The following RUBCNL variants were observed in gnomAD, a reference collection of about 807,000 sequenced individuals.
The protein encoded by RUBCNL is protein associated with UVRAG as autophagy enhancer.
A neutral mutation model predicts 69.5 loss-of-function variants in RUBCNL; 62 were observed. The ratio of observed to expected loss-of-function variants is 0.89; its 90% CI spans 0.73 to 1.10. The LOEUF (loss-of-function observed/expected upper bound fraction) is 1.10, where lower values mean the gene tolerates loss of function less well. RUBCNL is among the 50% of genes least tolerant of loss of function. The pLI, the probability that RUBCNL is intolerant of heterozygous loss-of-function variation, is 0.00. For synonymous variants in RUBCNL, 291 were observed against 303.6 expected (o/e 0.96, Z 0.43); for missense variants, 768 against 798.1 (o/e 0.96, Z 0.45).
At chr13:46,345,745 G>A (rs1342881550) in intron 12 of RUBCNL, 145 bp from the exon 13 acceptor site, 8 of 805,146 alleles carry the variant, frequency 9.9e-6, no homozygotes, top group Admixed American at 3.0e-5. Flanking sequence ...GAACAACAGT[G>A]AACCATGCTC....
chr13:46,334,888 G>T lies in RUBCNL; in HGVS notation c.*8497C>A, dbSNP rs1310766551. 1.3e-5 allele frequency among the ~76,000 whole-genome samples: 2 copies of T among 152,110 alleles called. No individual in the cohort carries two copies. The highest frequency in any genetic ancestry group is 4.8e-5 in the African/African-American group (2 of 41,398). ...GAAGTGAAAGGATCCAAGTGCTTCT[G>T]GCTCTAAATTCTGGATCACTTAGAC... On this transcript the variant is annotated 3_prime_UTR_variant, in exon 15 of 15. Transcript: ENST00000429979.
At chr13:46,355,255 A>G (rs1040743398) in intron 10 of RUBCNL, among the ~76,000 whole-genome samples, 3 of 151,906 alleles carry the variant, frequency 2.0e-5, no homozygotes, top group African/African-American at 4.8e-5. Flanking sequence ...TCCCAGTCTC[A>G]AGGGGGAAAC....
chr13:46,345,161 T>A (rs984433240), intron 13 of RUBCNL, among the ~76,000 whole-genome samples: 1 of 152,154 alleles, frequency 6.6e-6, no homozygotes, highest in Non-Finnish European at 1.5e-5. Context: ...TTCCATTGAA[T>A]CCTGGTTCCA....
rs1028886300 is a variant in RUBCNL at position 46,338,373 on chromosome 13, C to T, written c.*5012G>A. ...CTGCCCCTCTCTCTTCCCACTTTGG[C>T]TCCATCCTACAAGCAGCTGCCCCTT... On this transcript the variant is annotated 3_prime_UTR_variant, in exon 15 of 15. Transcript: ENST00000429979. 2.0e-5 allele frequency among the ~76,000 whole-genome samples: 3 copies of T among 152,144 alleles called. No individual in the cohort carries two copies. Among genetic ancestry groups the T allele is most frequent in the African/African-American group, 7.2e-5 (3 of 41,430 alleles).
rs1277362296 is a variant in RUBCNL, at chr13:46,335,257, GTTGTTTTT to G, written c.*8120_*8127del. Among the ~76,000 whole-genome samples, 19 of 98,606 alleles carry G rather than the reference GTTGTTTTT, an allele frequency of 1.9e-4. No individual in the cohort carries two copies. In the East Asian group the frequency reaches 7.4e-3, roughly 39 times the overall value. The allele number at this position is 98,606 out of a possible 152,430, so 64.7% of individuals were successfully genotyped here. A position where few individuals can be genotyped will look rare whatever the true frequency, so the allele number is the denominator to read the frequency against. ...TTTGTGTCTTTTTGTTGTTGTTGTT[GTTGTTTTT>G]TTTTTTTTTTTTTTTTTTTTAAGAG... On this transcript the variant is annotated 3_prime_UTR_variant, in exon 15 of 15. Coordinates refer to ENST00000429979, the MANE Select transcript of RUBCNL (RefSeq NM_025113.5).
Position 46,343,267 on chromosome 13 carries a change from A to G in RUBCNL, c.*118T>C. ...AGTATATGCAATAAAGAGAATATAGACCATCTTTTTCCTTAATATACAATA... is the reference window on the plus strand; with the variant it reads ...AGTATATGCAATAAAGAGAATATAGGCCATCTTTTTCCTTAATATACAATA... On this transcript the variant is annotated 3_prime_UTR_variant, in exon 15 of 15. Transcript: ENST00000429979. The G allele has an allele frequency of 6.8e-7, 1 of 1,466,090 alleles. No individual in the cohort carries two copies. The highest frequency in any genetic ancestry group is 1.4e-5 in the African/African-American group (1 of 71,422). 90.8% of individuals were successfully genotyped at this position (1,466,090 alleles called of 1,614,324 possible). A position where few individuals can be genotyped will look rare whatever the true frequency, so the allele number is the denominator to read the frequency against.
rs771223351 is a variant in RUBCNL, at chr13:46,368,819, C to A, written c.536-4G>T. 12 of 1,604,110 alleles carry A rather than the reference C, an allele frequency of 7.5e-6. No homozygotes were observed. Among genetic ancestry groups the A allele is most frequent in the South Asian group, 2.2e-5 (2 of 88,966 alleles). Reference sequence around the variant, plus strand: ...CTTCTACTGACTTGAACAGCACCTGCCAATATAGCAAATTGTTAAAAATGG... The same window carrying A: ...CTTCTACTGACTTGAACAGCACCTGACAATATAGCAAATTGTTAAAAATGG... On this transcript the variant is annotated splice_region_variant and splice_polypyrimidine_tract_variant and intron_variant, in intron 3 of 14. Coordinates refer to ENST00000429979, the MANE Select transcript of RUBCNL (RefSeq NM_025113.5).
At chr13:46,381,693 C>T (rs1379802030) in intron 1 of RUBCNL, among the ~76,000 whole-genome samples, 2 of 152,186 alleles carry the variant, frequency 1.3e-5, no homozygotes, top group Non-Finnish European at 2.9e-5. Context: ...AGTGATTCTT[C>T]TGCCTCAGCC....
rs550031141 is a variant in RUBCNL, at chr13:46,354,824, T to C, written c.1330+1608A>G. 2.2e-5 allele frequency: 10 copies of C among 456,764 alleles called. No individual in the cohort carries two copies. The East Asian group carries it at 4.9e-4, about 22-fold the overall frequency. 28.3% of individuals were successfully genotyped at this position (456,764 alleles called of 1,614,324 possible). ...GCAAGCTCCCTGAGGGCAAGGCCAC[T>C]GTACAAAAGTGCAGACACACATCTC... On this transcript the variant is annotated intron_variant, in intron 10 of 14. Coordinates refer to ENST00000429979, the MANE Select transcript of RUBCNL (RefSeq NM_025113.5).
chr13:46,388,515 AAAGG>A (rs371200082), upstream of RUBCNL, among the ~76,000 whole-genome samples: 512 of 147,930 alleles, frequency 3.5e-3, 3 homozygotes, highest in African/African-American at 9.5e-3. Flanking sequence ...AGAAAAGTAG[AAAGG>A]AAGGAAGGAA....
At chr13:46,384,884 T>A (rs995785656) in intron 1 of RUBCNL, among the ~76,000 whole-genome samples, 1 of 152,198 alleles carries the variant, frequency 6.6e-6, no homozygotes, top group Non-Finnish European at 1.5e-5. Flanking sequence ...GGAAGTAAAG[T>A]GATGACCACA....
rs758818280 is a variant in RUBCNL at position 46,335,237 on chromosome 13, G to GTTT, written c.*8147_*8148insAAA. Among the ~76,000 whole-genome samples, 9 of 117,500 alleles carry GTTT rather than the reference G, an allele frequency of 7.7e-5. No individual in the cohort carries two copies. Among genetic ancestry groups the GTTT allele is most frequent in the African/African-American group, 1.1e-4 (3 of 28,124 alleles). 77.1% of individuals were successfully genotyped at this position (117,500 alleles called of 152,430 possible). On this transcript the variant is annotated 3_prime_UTR_variant, in exon 15 of 15. Transcript: ENST00000429979. ...ACACCATTGTGCCCAGCTAATTTGT[G>GTTT]TCTTTTTGTTGTTGTTGTTGTTGTT...
At position 46,372,066 on chromosome 13, in the gene RUBCNL, A is replaced by T; in HGVS notation, c.410T>A (p.Val137Asp). The T allele has an allele frequency of 6.2e-7, 1 of 1,613,838 alleles. No individual in the cohort carries two copies. The highest frequency in any genetic ancestry group is 8.5e-7 in the Non-Finnish European group (1 of 1,179,860). The change falls in exon 3 of 15, where the codon GTC becomes GAC. Residue 137 changes from valine to aspartate, a missense_variant. Val to Asp is a radical substitution (Grantham distance 152, BLOSUM62 -3). Transcript: ENST00000429979. The stretch of plus-strand genomic sequence containing the variant: ...CACCCGATGAGAGTATCCTGGGCGG[A>T]CCATGTGTACCTCTGTTGAGGACAG... The part of the protein sequence containing the change: ...FSLSSTEVHM[V>D]RPGYSHRVSL...
At position 46,380,085 on chromosome 13, in the gene RUBCNL, A is replaced by G. The variant is rs577479449; in HGVS notation, c.-238-2080T>C. On this transcript the variant is annotated intron_variant, in intron 1 of 14. Coordinates refer to ENST00000429979, the MANE Select transcript of RUBCNL (RefSeq NM_025113.5). ...TATACTGTTTCCCTGGCTGGGTGGT[A>G]TCACAAAGGACTCCACTCCAGCTGA... 2.2e-3 allele frequency among the ~76,000 whole-genome samples: 338 copies of G among 152,380 alleles called. 4 individuals carry two copies. Among genetic ancestry groups the G allele is most frequent in the South Asian group, 0.012 (57 of 4,834 alleles).
Position 46,338,429 on chromosome 13 carries a change from A to G in RUBCNL, c.*4956T>C, listed in dbSNP as rs1450780686. Among the ~76,000 whole-genome samples, 1 of 151,966 alleles carries G rather than the reference A, an allele frequency of 6.6e-6. No individual in the cohort carries two copies. Among genetic ancestry groups the G allele is most frequent in the Non-Finnish European group, 1.5e-5 (1 of 68,022 alleles). On this transcript the variant is annotated 3_prime_UTR_variant, in exon 15 of 15. Transcript: ENST00000429979. The stretch of plus-strand genomic sequence containing the variant: ...CCTCTTGGTCTTAGCAGCGCAGTTC[A>G]CTTTCAGGAGGCTGGACCAGGGGAA...
chr13:46,350,502 G>A, intron 10 of RUBCNL, 151 bp from the exon 11 acceptor site: 2 of 599,788 alleles, frequency 3.3e-6, no homozygotes, highest in Non-Finnish European at 5.8e-6. Flanking sequence ...CAGCTGGGAA[G>A]GCTCCAGCAG....
Position 46,350,097 on chromosome 13 carries a change from TG to T in RUBCNL, c.1569+15del. The T allele has an allele frequency of 6.5e-7, 1 of 1,527,576 alleles. No homozygotes were observed. Among genetic ancestry groups the T allele is most frequent in the Non-Finnish European group, 8.9e-7 (1 of 1,125,300 alleles). 94.6% of individuals were successfully genotyped at this position (1,527,576 alleles called of 1,614,324 possible). On this transcript the variant is annotated intron_variant, in intron 11 of 14. Coordinates refer to ENST00000429979, the MANE Select transcript of RUBCNL (RefSeq NM_025113.5). ...ACACTTCCAATGAGAGGGATGGGGT[TG>T]GGGCTGCGGCTCACCTTCACTCTGT... is the stretch of plus-strand genomic sequence containing the variant.
rs1207563244 is a variant in RUBCNL at position 46,368,269 on chromosome 13, T to C, written c.619-20A>G. ...ATTTTCCTGCAGAAAAAGAAATCAA[T>C]TAAAATACAAGCATAATCAACTTTT... On this transcript the variant is annotated intron_variant, in intron 4 of 14. Transcript: ENST00000429979. The C allele has an allele frequency of 1.2e-6, 2 of 1,600,430 alleles. No individual in the cohort carries two copies. Among genetic ancestry groups the C allele is most frequent in the Non-Finnish European group, 8.5e-7 (1 of 1,172,016 alleles).
intron 1 of RUBCNL, 76 bp downstream of exon 1, chr13:46,387,058 C>G: frequency 8.1e-5 from 77 of 955,028 alleles, no homozygotes; most frequent in South Asian, 2.4e-4. Flanking sequence ...TCTCCCGCGG[C>G]CCTCCCTTCC....
Sources: gnomAD v4.1 joint callset for allele counts (sites outside exome capture counted in the v4.1 genomes callset) on GRCh38, gnomAD v4.1.1 for gene constraint, MANE v1.5 for transcripts, NCBI Gene and HGNC (gene_info 2026-07-23, HGNC 2026-07-21) for gene names.